The following VTI1A variants were observed in gnomAD, a reference collection of about 807,000 sequenced individuals.
VTI1A encodes the protein vesicle transport through interaction with t-SNAREs homolog 1A.
A neutral mutation model predicts 34.9 loss-of-function variants in VTI1A; 22 were observed. The ratio of observed to expected loss-of-function variants is 0.63; its 90% CI spans 0.45 to 0.90. The LOEUF is 0.90. VTI1A is among the 40% of genes least tolerant of loss of function. VTI1A has a pLI of 0.00. For missense variants in VTI1A, 268 were observed against 275.6 expected, an observed-to-expected ratio of 0.97 and a Z score of 0.20; for synonymous variants, 87 against 97.3, an observed-to-expected ratio of 0.89 and a Z score of 0.62.
chr10:112,813,728 A>G (rs1853404397), intron 7 of VTI1A, among the ~76,000 whole-genome samples: 1 of 152,202 alleles, frequency 6.6e-6, no homozygotes, highest in African/African-American at 2.4e-5. Context: ...GTGGCCTGTT[A>G]AGTCTGAATT....
chr10:112,633,855 T>TAAA (rs77279275), intron 5 of VTI1A, among the ~76,000 whole-genome samples: 1 of 125,566 alleles, frequency 8.0e-6, no homozygotes. Flanking sequence ...GGCTCTAGAC[T>TAAA]AAAAAAAAAA....
intron 5 of VTI1A, among the ~76,000 whole-genome samples, chr10:112,650,673 C>T (rs565726769): frequency 3.9e-5 from 6 of 152,142 alleles, no homozygotes; most frequent in Non-Finnish European, 7.4e-5. Flanking sequence ...CATTGTGCTA[C>T]GATGTTCGAC....
At chr10:112,735,242 G>T (rs1312682085) in intron 7 of VTI1A, among the ~76,000 whole-genome samples, 4 of 152,152 alleles carry the variant, frequency 2.6e-5, no homozygotes, top group Admixed American at 2.6e-4. Context: ...GGCATTTTGA[G>T]ATTGTGTGAT....
At chr10:112,527,361 T>A in intron 4 of VTI1A, 197 bp downstream of exon 4, 1 of 430,848 alleles carries the variant, frequency 2.3e-6, no homozygotes, top group Non-Finnish European at 4.1e-6. Context: ...TACCTTGTGA[T>A]CACTGTCTGC....
chr10:112,510,731 A>T (rs1849579649), intron 3 of VTI1A, among the ~76,000 whole-genome samples: 1 of 152,230 alleles, frequency 6.6e-6, no homozygotes, highest in Admixed American at 6.5e-5. Context: ...TTTAAATGCT[A>T]TGGAATACTC....
chr10:112,522,245 A>G (rs1850051838), intron 3 of VTI1A, among the ~76,000 whole-genome samples: 1 of 152,046 alleles, frequency 6.6e-6, no homozygotes, highest in Non-Finnish European at 1.5e-5. Flanking sequence ...CTTGGGCATT[A>G]TTAAATATAT....
intron 7 of VTI1A, among the ~76,000 whole-genome samples, chr10:112,688,328 G>GA (rs1180333814): frequency 6.6e-6 from 1 of 150,740 alleles, no homozygotes; most frequent in African/African-American, 2.4e-5. Context: ...TAAAGAAAAG[G>GA]AAAAAAAATC....
At chr10:112,855,272 C>G in the VTI1A span, among the ~76,000 whole-genome samples, 2 of 152,178 alleles carry the variant, frequency 1.3e-5, no homozygotes, top group Non-Finnish European at 2.9e-5. Context: ...CCACTCTACC[C>G]CCACCTCCTC....
At chr10:112,482,045 G>A (rs549196974) in intron 3 of VTI1A, among the ~76,000 whole-genome samples, 1 of 152,148 alleles carries the variant, frequency 6.6e-6, no homozygotes, top group African/African-American at 2.4e-5. Flanking sequence ...TCAAGGGATA[G>A]AATTTTTAAT....
chr10:112,772,855 A>G (rs920367501), intron 7 of VTI1A, among the ~76,000 whole-genome samples: 1 of 152,202 alleles, frequency 6.6e-6, no homozygotes, highest in Non-Finnish European at 1.5e-5. Flanking sequence ...CCACCTTGGA[A>G]ACCCATTGGT....
intron 5 of VTI1A, among the ~76,000 whole-genome samples, chr10:112,612,874 A>G (rs140983283): frequency 0.012 from 1,896 of 152,304 alleles, 46 homozygotes; most frequent in African/African-American, 0.044. Context: ...CAGATAATAG[A>G]TATCTACGCC....
chr10:112,495,682 T>C (rs1848994578), intron 3 of VTI1A, among the ~76,000 whole-genome samples: 1 of 152,180 alleles, frequency 6.6e-6, no homozygotes, highest in Non-Finnish European at 1.5e-5. Flanking sequence ...TAAACCAATT[T>C]TGACGTCAGC....
chr10:112,739,861 C>CA (rs1850631012), intron 7 of VTI1A, among the ~76,000 whole-genome samples: 1 of 152,188 alleles, frequency 6.6e-6, no homozygotes, highest in Non-Finnish European at 1.5e-5. Flanking sequence ...CCAAGGCCCC[C>CA]AGAAAGTGGA....
chr10:112,579,902 G>A (rs189668829), intron 5 of VTI1A, among the ~76,000 whole-genome samples: 1 of 152,298 alleles, frequency 6.6e-6, no homozygotes, highest in East Asian at 1.9e-4. Context: ...AGAAGACCCA[G>A]AGAGTATTCA....
chr10:112,618,534 G>GAGAGAGAGAGAGAA (rs1554922611), intron 5 of VTI1A, among the ~76,000 whole-genome samples: 54 of 128,818 alleles, frequency 4.2e-4, no homozygotes, highest in African/African-American at 1.3e-3. Flanking sequence ...TAGAGAGAGA[G>GAGAGAGAGAGAGAA]AGAGAGAGAG....
intron 7 of VTI1A, among the ~76,000 whole-genome samples, chr10:112,811,483 A>G (rs1229332536): frequency 6.6e-6 from 1 of 152,064 alleles, no homozygotes; most frequent in East Asian, 1.9e-4. Flanking sequence ...TCACGAGGTC[A>G]GGAGATAGAG....
At chr10:112,606,876 G>A (rs1480185057) in intron 5 of VTI1A, among the ~76,000 whole-genome samples, 1 of 152,102 alleles carries the variant, frequency 6.6e-6, no homozygotes, top group Non-Finnish European at 1.5e-5. Flanking sequence ...AGTCCTAGTG[G>A]CAACAGCTAC....
intron 3 of VTI1A, among the ~76,000 whole-genome samples, chr10:112,503,840 C>T (rs2134161198): frequency 6.6e-6 from 1 of 152,276 alleles, no homozygotes. Flanking sequence ...TGTCATAGAT[C>T]TGCAGAAACA....
Position 112,618,512 on chromosome 10 carries a change from T to TAGAG in VTI1A, c.428-49705_428-49704insGAGA, listed in dbSNP as rs1209394707. Among the ~76,000 whole-genome samples, 249 of 37,854 alleles carry TAGAG rather than the reference T, an allele frequency of 6.6e-3. 1 individual carries two copies. The highest frequency in any genetic ancestry group is 0.013 in the Admixed American group (29 of 2,190). 24.8% of individuals were successfully genotyped at this position (37,854 alleles called of 152,430 possible). ...TATTATATATATATATATATATATA[T>TAGAG]ATATATATATATAGAGAGAGAGAGA... On this transcript the variant is annotated intron_variant, in intron 5 of 7. Coordinates refer to ENST00000393077, the MANE Select transcript of VTI1A (RefSeq NM_145206.4).
Sources: gnomAD v4.1 joint callset for allele counts (sites outside exome capture counted in the v4.1 genomes callset) on GRCh38, gnomAD v4.1.1 for gene constraint, MANE v1.5 for transcripts, NCBI Gene and HGNC (gene_info 2026-07-23, HGNC 2026-07-21) for gene names.